Variants in DYNC1I1 observed in about 807,000 individuals in gnomAD.
DYNC1I1 encodes cytoplasmic dynein 1 intermediate chain 1.
In DYNC1I1, 43 loss-of-function variants were observed where a neutral mutation model predicts 86.6. That is an observed-to-expected ratio of 0.50 (90% CI 0.39 to 0.64). The LOEUF (loss-of-function observed/expected upper bound fraction) is 0.64. Ranked by LOEUF, DYNC1I1 falls within the 30% of genes least tolerant of loss-of-function variation. The probability of loss-of-function intolerance (pLI) is 0.00; values close to 1 mark genes in which losing one functional copy is unlikely to be tolerated. For missense variants in DYNC1I1, 604 were observed against 788.8 expected (o/e 0.77, Z 2.81); for synonymous variants, 262 against 283.7 (o/e 0.92, Z 0.77).
intron 6 of DYNC1I1, among the ~76,000 whole-genome samples, chr7:95,922,547 G>C (rs1791638092): frequency 6.6e-6 from 1 of 152,092 alleles, no homozygotes; most frequent in South Asian, 2.1e-4. Flanking sequence ...TTTCCATGCT[G>C]GGGGAGAAGG....
At chr7:96,042,197 T>C (rs1789072256) in intron 14 of DYNC1I1, among the ~76,000 whole-genome samples, 2 of 152,198 alleles carry the variant, frequency 1.3e-5, no homozygotes, top group Admixed American at 1.3e-4. Flanking sequence ...ATAAGTTAAA[T>C]TACTATGTTG....
At chr7:95,935,754 T>G (rs1792022768) in intron 6 of DYNC1I1, among the ~76,000 whole-genome samples, 1 of 151,978 alleles carries the variant, frequency 6.6e-6, no homozygotes, top group Admixed American at 6.6e-5. Flanking sequence ...ACTCAAAAGT[T>G]TTTTTAAAAA....
intron 4 of DYNC1I1, among the ~76,000 whole-genome samples, chr7:95,820,217 T>A (rs1346417828): frequency 6.6e-6 from 1 of 152,178 alleles, no homozygotes; most frequent in Non-Finnish European, 1.5e-5. Flanking sequence ...CATCAGAAAA[T>A]CTTTATCATC....
intron 4 of DYNC1I1, chr7:95,818,842 G>A: frequency 3.7e-6 from 1 of 266,834 alleles, no homozygotes; most frequent in Non-Finnish European, 6.9e-6. Context: ...TGTGAAAACT[G>A]TTGAACCTGC....
chr7:95,909,806 T>C (rs1791281316), intron 6 of DYNC1I1, among the ~76,000 whole-genome samples: 1 of 152,164 alleles, frequency 6.6e-6, no homozygotes, highest in African/African-American at 2.4e-5. Context: ...AGCCACAGAC[T>C]TGGGACCCAG....
At chr7:96,017,488 C>T (rs1794432093) in intron 10 of DYNC1I1, among the ~76,000 whole-genome samples, 1 of 152,142 alleles carries the variant, frequency 6.6e-6, no homozygotes, top group African/African-American at 2.4e-5. Context: ...GCATTATTGT[C>T]AGATATTGAT....
intron 14 of DYNC1I1, among the ~76,000 whole-genome samples, chr7:96,064,542 C>A (rs1789899483): frequency 6.6e-6 from 1 of 152,122 alleles, no homozygotes; most frequent in Non-Finnish European, 1.5e-5. Flanking sequence ...GACTGGGCAG[C>A]AAATGTGACC....
At chr7:95,964,543 T>C (rs1792957719) in intron 6 of DYNC1I1, among the ~76,000 whole-genome samples, 1 of 152,218 alleles carries the variant, frequency 6.6e-6, no homozygotes, top group African/African-American at 2.4e-5. Context: ...TTCCTAGGCA[T>C]ATGGCAAAGA....
At chr7:95,780,569 C>T (rs376979293) in intron 1 of DYNC1I1, among the ~76,000 whole-genome samples, 6 of 151,976 alleles carry the variant, frequency 3.9e-5, no homozygotes, top group East Asian at 1.9e-4. Context: ...TGAGCCACCA[C>T]GCCCGGCCTC....
intron 6 of DYNC1I1, among the ~76,000 whole-genome samples, chr7:95,879,236 A>T (rs964815364): frequency 2.6e-5 from 4 of 152,154 alleles, no homozygotes; most frequent in African/African-American, 9.6e-5. Context: ...CTCTTAACTT[A>T]TTTAAATAGC....
intron 14 of DYNC1I1, among the ~76,000 whole-genome samples, chr7:96,058,066 A>G (rs1789639710): frequency 6.6e-6 from 1 of 152,178 alleles, no homozygotes; most frequent in African/African-American, 2.4e-5. Context: ...AATCAAATGT[A>G]CAATGTTTAC....
intron 7 of DYNC1I1, among the ~76,000 whole-genome samples, chr7:95,980,632 C>T (rs188818894): frequency 1.5e-5 from 2 of 137,134 alleles, no homozygotes; most frequent in African/African-American, 5.5e-5. Context: ...TAACTTTTGA[C>T]ATTTTTGCCC....
At position 95,989,076 on chromosome 7, in the gene DYNC1I1, G is replaced by A. The variant is rs148705625; in HGVS notation, c.843+1921G>A. Among the ~76,000 whole-genome samples, 481 of 152,312 alleles carry A rather than the reference G, an allele frequency of 3.2e-3. 9 individuals carry two copies. The highest frequency in any genetic ancestry group is 0.025 in the Admixed American group (375 of 15,304). On this transcript the variant is annotated intron_variant, in intron 9 of 16. Transcript: ENST00000447467. The stretch of plus-strand genomic sequence containing the variant: ...GGTGCAGAATGATATGGGGCAGATA[G>A]CAAGTGCTCTCAAAGTTCAGTGGAG...
Position 95,788,160 on chromosome 7 carries a change from A to G in DYNC1I1, c.-10+15387A>G, listed in dbSNP as rs981230820. Among the ~76,000 whole-genome samples the G allele has an allele frequency of 2.0e-5, 3 of 152,184 alleles. No individual in the cohort carries two copies. In the East Asian group the frequency reaches 5.8e-4, roughly 29 times the overall value. ...GTGACATGACTTGACTTGTGTTTTA[A>G]TGCATTACTATAGCAGCTGTGTGGG... On this transcript the variant is annotated intron_variant, in intron 1 of 16. Coordinates refer to ENST00000447467, the MANE Select transcript of DYNC1I1 (RefSeq NM_001135556.2).
rs113890949 is a variant in DYNC1I1, at chr7:96,014,392, T to G, written c.970-13783T>G. Among the ~76,000 whole-genome samples the G allele has an allele frequency of 3.3e-3, 499 of 152,284 alleles. 2 individuals carry two copies. The highest frequency in any genetic ancestry group is 0.011 in the African/African-American group (467 of 41,538). On this transcript the variant is annotated intron_variant, in intron 10 of 16. Coordinates refer to ENST00000447467, the MANE Select transcript of DYNC1I1 (RefSeq NM_001135556.2). ...TAAGGTTCCAGCTGCTTTTTCGGAA[T>G]CTGAAATAGGAACCCAGTGCCTTTC...
chr7:95,907,896 G>T (rs977409030), intron 6 of DYNC1I1, among the ~76,000 whole-genome samples: 6 of 150,916 alleles, frequency 4.0e-5, no homozygotes, highest in African/African-American at 1.2e-4. Context: ...TCTATTTTTT[G>T]AAAACAAAAT....
intron 6 of DYNC1I1, among the ~76,000 whole-genome samples, chr7:95,879,541 AAG>A (rs3051008): frequency 0.61 from 92,087 of 151,820 alleles, 28,355 homozygotes; most frequent in Non-Finnish European, 0.67. Context: ...AAAGAGTAAA[AAG>A]AGTCATGCTT....
chr7:96,067,479 C>T (rs1790028831), intron 14 of DYNC1I1, among the ~76,000 whole-genome samples: 1 of 147,028 alleles, frequency 6.8e-6, no homozygotes, highest in Admixed American at 6.8e-5. Context: ...TCTTAAAGCT[C>T]ACCCAGGGAG....
At chr7:95,999,883 G>T (rs1044525491) in intron 10 of DYNC1I1, among the ~76,000 whole-genome samples, 3 of 151,928 alleles carry the variant, frequency 2.0e-5, no homozygotes, top group Non-Finnish European at 4.4e-5. Context: ...ATCAATTTTT[G>T]TCCCTCCCCC....
Sources: allele counts gnomAD v4.1 joint callset (sites outside exome capture counted in the v4.1 genomes callset), GRCh38; gene constraint gnomAD v4.1.1; transcripts MANE v1.5; gene names NCBI Gene and HGNC (gene_info 2026-07-23, HGNC 2026-07-21).